The following SLC35F2 variants were observed in gnomAD, a reference collection of about 807,000 sequenced individuals.
The protein encoded by SLC35F2 is queuine/queuosine transporter SLC35F2.
In SLC35F2, 25 loss-of-function variants were observed where a neutral mutation model predicts 38.1. The observed-to-expected ratio is 0.66, with a 90% CI of 0.48 to 0.92. The LOEUF (loss-of-function observed/expected upper bound fraction) is 0.92, where lower values mean the gene tolerates loss of function less well. Ranked by LOEUF, SLC35F2 falls within the 40% of genes least tolerant of loss-of-function variation. The probability of loss-of-function intolerance (pLI) is 0.00; values close to 1 mark genes in which losing one functional copy is unlikely to be tolerated. For synonymous variants in SLC35F2, 173 were observed against 181.7 expected (o/e 0.95, Z 0.38); for missense variants, 409 against 452.9 (o/e 0.90, Z 0.88).
intron 1 of SLC35F2, among the ~76,000 whole-genome samples, chr11:107,834,955 A>G (rs1036930636): frequency 2.0e-5 from 3 of 152,218 alleles, no homozygotes; most frequent in African/African-American, 7.2e-5. Context: ...TATACAAAAT[A>G]TACAACTCCT....
intron 1 of SLC35F2, among the ~76,000 whole-genome samples, chr11:107,828,685 A>G (rs1656487289): frequency 6.6e-6 from 1 of 152,190 alleles, no homozygotes; most frequent in Non-Finnish European, 1.5e-5. Flanking sequence ...TCACTTTAGG[A>G]GCCCTAATAA....
At chr11:107,820,447 A>G (rs1356671728) in intron 1 of SLC35F2, among the ~76,000 whole-genome samples, 1 of 151,976 alleles carries the variant, frequency 6.6e-6, no homozygotes, top group Non-Finnish European at 1.5e-5. Flanking sequence ...TTTGCCTAAG[A>G]TCACACAGGA....
At chr11:107,854,456 T>A (rs1860246319) in intron 1 of SLC35F2, among the ~76,000 whole-genome samples, 2 of 140,970 alleles carry the variant, frequency 1.4e-5, no homozygotes, top group African/African-American at 5.3e-5. Context: ...ATAATAATAA[T>A]AAACAATTAA....
intron 1 of SLC35F2, among the ~76,000 whole-genome samples, chr11:107,839,170 C>T (rs1295597158): frequency 6.6e-6 from 1 of 152,024 alleles, no homozygotes; most frequent in African/African-American, 2.4e-5. Flanking sequence ...TACAAATTAC[C>T]CTGGCTCTGG....
chr11:107,847,416 C>T (rs951516392), intron 1 of SLC35F2, among the ~76,000 whole-genome samples: 1 of 152,170 alleles, frequency 6.6e-6, no homozygotes, highest in Admixed American at 6.5e-5. Context: ...GGAGGCAATT[C>T]ACTTCTTCCA....
chr11:107,818,134 A>AAGAAAGAAAGAG lies in SLC35F2; in HGVS notation c.111-2170_111-2169insCTCTTTCTTTCT, dbSNP rs71470862. On this transcript the variant is annotated intron_variant, in intron 1 of 7. Transcript: ENST00000525815. ...AAAGAAAGAAAGAAAGAAAGAAAGA[A>AAGAAAGAAAGAG]AAAGAAACAATTGTCAGCTGGGCAT... Among the ~76,000 whole-genome samples, 3 of 147,354 alleles carry AAGAAAGAAAGAG rather than the reference A, an allele frequency of 2.0e-5. No individual in the cohort carries two copies. The East Asian group carries it at 5.9e-4, about 29-fold the overall frequency.
In SLC35F2 at chr11:107,791,746, C is replaced by T. The variant is rs539209866; in HGVS notation, c.*869G>A. On this transcript the variant is annotated 3_prime_UTR_variant, in exon 8 of 8. Transcript: ENST00000525815. ...ACAAAACAGGCCTGGCACGGTGGCT[C>T]AAGCCTGTAATCCCAGCACTTTGGG... The T allele has an allele frequency of 9.7e-4, 148 of 152,334 alleles. No individual in the cohort carries two copies. The highest frequency in any genetic ancestry group is 1.5e-3 in the Non-Finnish European group (105 of 68,148). The allele number at this position is 152,334 out of a possible 1,614,324, so 9.4% of individuals were successfully genotyped here.
chr11:107,811,137 A>C lies in SLC35F2; in HGVS notation c.414+530T>G, dbSNP rs913489680. On this transcript the variant is annotated intron_variant, in intron 3 of 7. Transcript: ENST00000525815. ...ACTGAAATCAGTTGTCTTCAACTTT[A>C]CAAAGTTGAAAACCTCTGCAATGTA... 7.1e-6 allele frequency: 7 copies of C among 984,790 alleles called. No individual in the cohort carries two copies. In the African/African-American group the frequency reaches 1.2e-4, roughly 17 times the overall value. 61.0% of individuals were successfully genotyped at this position (984,790 alleles called of 1,614,324 possible).
rs1191177979 is a variant in SLC35F2, at chr11:107,791,638, C to T, written c.*977G>A. The T allele has an allele frequency of 6.6e-6, 1 of 152,220 alleles. No homozygotes were observed. Among genetic ancestry groups the T allele is most frequent in the African/African-American group, 2.4e-5 (1 of 41,432 alleles). The allele number at this position is 152,220 out of a possible 1,614,324, so 9.4% of individuals were successfully genotyped here. ...TCTGTAATCCTAGCACTTTCGGAGG[C>T]CGAGGTGGGCAGATCGCTTTAGCTC... On this transcript the variant is annotated 3_prime_UTR_variant, in exon 8 of 8. Transcript: ENST00000525815.
In SLC35F2 at chr11:107,803,154, G is replaced by C. The variant is rs767509071; in HGVS notation, c.786C>G (p.Ala262=). The change falls in exon 7 of 8, where the codon GCC becomes GCG. Residue 262 remains alanine (A), a splice_region_variant and synonymous_variant. Transcript: ENST00000525815. ...IASIHWDWKI[A]LLFVAFALCM... Reference sequence around the variant, plus strand: ...ACAGGGCAAATGCCACGAACAGCAGGGCTGTGGAAAAAAACATGGAATATC... The same window carrying C: ...ACAGGGCAAATGCCACGAACAGCAGCGCTGTGGAAAAAAACATGGAATATC... 6.3e-7 allele frequency: 1 copy of C among 1,595,502 alleles called. No individual in the cohort carries two copies. Among genetic ancestry groups the C allele is most frequent in the Non-Finnish European group, 8.5e-7 (1 of 1,174,288 alleles).
chr11:107,802,980 G>A (rs367912648), intron 7 of SLC35F2, 21 bp downstream of exon 7: 6 of 1,584,902 alleles, frequency 3.8e-6, no homozygotes, highest in Non-Finnish European at 4.3e-6. Flanking sequence ...ATTCTTATTT[G>A]AACGTGATCT....
At chr11:107,824,855 C>T (rs76291014) in intron 1 of SLC35F2, among the ~76,000 whole-genome samples, 7,537 of 152,202 alleles carry the variant, frequency 0.05, 253 homozygotes, top group East Asian at 0.098. Context: ...ATAGAGTAGC[C>T]TCTACCCATA....
chr11:107,812,464 C>T (rs1220325281), intron 2 of SLC35F2, among the ~76,000 whole-genome samples: 1 of 151,954 alleles, frequency 6.6e-6, no homozygotes, highest in African/African-American at 2.4e-5. Flanking sequence ...ACAGCTGGAG[C>T]CCAGGATTTC....
At chr11:107,803,665 G>C (rs1242389694) in intron 6 of SLC35F2, 1 of 228,268 alleles carries the variant, frequency 4.4e-6, no homozygotes, top group South Asian at 1.6e-4. Context: ...TAAGTGCTCC[G>C]AGGCAGCACA....
rs537743033 is a variant in SLC35F2 at position 107,815,499 on chromosome 11, A to C, written c.286+291T>G. Among the ~76,000 whole-genome samples the C allele has an allele frequency of 1.7e-4, 26 of 151,824 alleles. No individual in the cohort carries two copies. In the East Asian group the frequency reaches 4.9e-3, roughly 28 times the overall value. On this transcript the variant is annotated intron_variant, in intron 2 of 7. Coordinates refer to ENST00000525815, the MANE Select transcript of SLC35F2 (RefSeq NM_017515.5). Reference sequence around the variant, plus strand: ...CTTGAGCCTGGGAGGTCAAGGCTGCAGTGAGTCGAGATTGCACCACTGCAC... The same window carrying C: ...CTTGAGCCTGGGAGGTCAAGGCTGCCGTGAGTCGAGATTGCACCACTGCAC...
Position 107,858,706 on chromosome 11 carries a change from G to A in SLC35F2, c.62C>T (p.Ala21Val), listed in dbSNP as rs1043464245. 8 of 1,299,808 alleles carry A rather than the reference G, an allele frequency of 6.2e-6. No homozygotes were observed. In the African/African-American group the frequency reaches 7.6e-5, roughly 12 times the overall value. The allele number at this position is 1,299,808 out of a possible 1,614,324, so 80.5% of individuals were successfully genotyped here. ...CCTGCGCAGCAGGCTGGAGAACTCG[G>A]CCGCCGCTCCCTCCGCGAGGGGCTC... ...APEPLAEGAAAEFSSLLRRIK... is the reference protein window; with the variant it reads ...APEPLAEGAAVEFSSLLRRIK... The change falls in exon 1 of 8, where the codon GCC becomes GTC. Residue 21 changes from alanine (A) to valine (V), a missense_variant. Ala to Val is a moderately conservative substitution (Grantham distance 64, BLOSUM62 0). Coordinates refer to ENST00000525815, the MANE Select transcript of SLC35F2 (RefSeq NM_017515.5).
chr11:107,823,475 G>A (rs939359368), intron 1 of SLC35F2, among the ~76,000 whole-genome samples: 6 of 151,992 alleles, frequency 3.9e-5, no homozygotes, highest in African/African-American at 1.4e-4. Flanking sequence ...TAAATACCTG[G>A]TAAAGAATAA....
At chr11:107,807,134 T>C (rs1308952686) in intron 3 of SLC35F2, among the ~76,000 whole-genome samples, 1 of 151,504 alleles carries the variant, frequency 6.6e-6, no homozygotes, top group African/African-American at 2.4e-5. Flanking sequence ...CAAAAACACA[T>C]AGTTAAAAAT....
chr11:107,813,727 G>A (rs1859519678), intron 2 of SLC35F2, among the ~76,000 whole-genome samples: 1 of 152,026 alleles, frequency 6.6e-6, no homozygotes, highest in East Asian at 1.9e-4. Flanking sequence ...CAGCAGTGGT[G>A]TGATCTTGGC....
Sources: gnomAD v4.1 joint callset for allele counts (sites outside exome capture counted in the v4.1 genomes callset) on GRCh38, gnomAD v4.1.1 for gene constraint, MANE v1.5 for transcripts, NCBI Gene and HGNC (gene_info 2026-07-23, HGNC 2026-07-21) for gene names.